Variants in ARHGEF11 observed in about 807,000 individuals in gnomAD.
ARHGEF11 encodes the protein Rho guanine nucleotide exchange factor 11.
In ARHGEF11, 55 loss-of-function variants were observed where a neutral mutation model predicts 193.7. That is an observed-to-expected ratio of 0.28 (90% CI 0.23 to 0.36). The LOEUF is 0.36. ARHGEF11 is among the 10% of genes least tolerant of loss of function. The probability of loss-of-function intolerance (pLI) is 1.00; values close to 1 mark genes in which losing one functional copy is unlikely to be tolerated. For missense variants in ARHGEF11, 1,723 were observed against 2,005.6 expected, an observed-to-expected ratio of 0.86 and a Z score of 2.69; for synonymous variants, 693 against 768.0, an observed-to-expected ratio of 0.90 and a Z score of 1.62.
chr1:157,010,393 G>C (rs1395196510), intron 1 of ARHGEF11, among the ~76,000 whole-genome samples: 1 of 152,030 alleles, frequency 6.6e-6, no homozygotes, highest in African/African-American at 2.4e-5. Flanking sequence ...CTAAGCTGCA[G>C]GATATAAGAT....
intron 1 of ARHGEF11, among the ~76,000 whole-genome samples, chr1:157,028,414 G>A (rs1052051726): frequency 1.3e-5 from 2 of 152,122 alleles, no homozygotes; most frequent in African/African-American, 2.4e-5. Context: ...ATGTTCCAAA[G>A]GGAAAAACAG....
chr1:156,989,168 C>A (rs932935003), intron 1 of ARHGEF11, among the ~76,000 whole-genome samples: 3 of 151,962 alleles, frequency 2.0e-5, no homozygotes, highest in Non-Finnish European at 4.4e-5. Flanking sequence ...GAATTTCCCC[C>A]CAAATTTGTA....
chr1:157,015,398 T>C (rs1669088014), intron 1 of ARHGEF11, among the ~76,000 whole-genome samples: 1 of 152,328 alleles, frequency 6.6e-6, no homozygotes, highest in East Asian at 1.9e-4. Flanking sequence ...ATGTGCAAAG[T>C]TCTTAGAACA....
intron 37 of ARHGEF11, 110 bp downstream of exon 37, chr1:156,939,438 T>G: frequency 6.7e-7 from 1 of 1,503,654 alleles, no homozygotes; most frequent in South Asian, 1.2e-5. Context: ...CGTAGGTCTC[T>G]GCTCACACGG....
chr1:156,996,859 A>ATTT (rs60592654), intron 1 of ARHGEF11, among the ~76,000 whole-genome samples: 16,105 of 93,612 alleles, frequency 0.17, 1,745 homozygotes, highest in East Asian at 0.35. Context: ...CTCTCTCTCT[A>ATTT]TTTTTTTTTT....
chr1:157,027,989 C>T (rs1670852482), intron 1 of ARHGEF11, among the ~76,000 whole-genome samples: 1 of 152,182 alleles, frequency 6.6e-6, no homozygotes, highest in Non-Finnish European at 1.5e-5. Context: ...TTGAGCCCTT[C>T]CAACAAAGGT....
At chr1:156,958,284 T>A (rs558193684) in intron 17 of ARHGEF11, among the ~76,000 whole-genome samples, 20 of 152,312 alleles carry the variant, frequency 1.3e-4, no homozygotes, top group African/African-American at 4.8e-4. Context: ...CAGAAGCACC[T>A]TAGTATATTG....
rs1654956264 is a variant in ARHGEF11 at position 156,935,920 on chromosome 1, T to A, written c.*80A>T. The A allele has an allele frequency of 1.4e-6, 2 of 1,458,972 alleles. No individual in the cohort carries two copies. Among genetic ancestry groups the A allele is most frequent in the Non-Finnish European group, 1.9e-6 (2 of 1,075,702 alleles). The allele number at this position is 1,458,972 out of a possible 1,614,324, so 90.4% of individuals were successfully genotyped here. A position where few individuals can be genotyped will look rare whatever the true frequency, so the allele number is the denominator to read the frequency against. On this transcript the variant is annotated 3_prime_UTR_variant, in exon 41 of 41. Transcript: ENST00000368194. ...TCCTCCACAGGGAGGAGTGTTGGGA[T>A]CCCCCCTACCCTGTGCCCCGGTCTC...
intron 2 of ARHGEF11, chr1:156,985,817 C>A: frequency 3.4e-6 from 1 of 293,726 alleles, no homozygotes; most frequent in Non-Finnish European, 6.4e-6. Flanking sequence ...TGTGATCCCA[C>A]TACTGATAAG....
chr1:156,949,020 T>G (rs904942040), intron 22 of ARHGEF11: 1 of 985,300 alleles, frequency 1.0e-6, no homozygotes, highest in Non-Finnish European at 1.2e-6. Context: ...TATTCACAGC[T>G]CATTTTAGGA....
At chr1:156,947,234 G>A (rs934769292) in intron 26 of ARHGEF11, 70 bp downstream of exon 26, 2 of 1,551,662 alleles carry the variant, frequency 1.3e-6, no homozygotes, top group Admixed American at 3.9e-5. Context: ...GGTCCTGGCA[G>A]TGGGGCCAAA....
intron 40 of ARHGEF11, among the ~76,000 whole-genome samples, 197 bp downstream of exon 40, chr1:156,936,619 G>A (rs1411112015): frequency 6.6e-6 from 1 of 150,378 alleles, no homozygotes; most frequent in Non-Finnish European, 1.5e-5. Flanking sequence ...TCAGTGCTAA[G>A]CTCCCCATTT....
chr1:157,024,204 G>A (rs1407328377), intron 1 of ARHGEF11, among the ~76,000 whole-genome samples: 3 of 152,114 alleles, frequency 2.0e-5, no homozygotes, highest in South Asian at 2.1e-4. Flanking sequence ...GTATAATTCC[G>A]TTTATATGAA....
At chr1:156,959,024 G>A (rs1384018785) in intron 16 of ARHGEF11, 22 bp downstream of exon 16, 5 of 1,612,994 alleles carry the variant, frequency 3.1e-6, no homozygotes, top group Non-Finnish European at 3.4e-6. Flanking sequence ...GAGAGAGGTG[G>A]GAGGTCAGCT....
At chr1:157,019,490 A>G (rs1168719255) in intron 1 of ARHGEF11, among the ~76,000 whole-genome samples, 4 of 152,226 alleles carry the variant, frequency 2.6e-5, no homozygotes, top group African/African-American at 9.6e-5. Context: ...ATTTCTTATG[A>G]CATTAAACAC....
intron 1 of ARHGEF11, among the ~76,000 whole-genome samples, chr1:156,998,434 C>G (rs1330734611): frequency 1.3e-5 from 2 of 152,224 alleles, no homozygotes; most frequent in Non-Finnish European, 2.9e-5. Context: ...GGAGTTAGAA[C>G]AGGCCTGGCT....
intron 1 of ARHGEF11, among the ~76,000 whole-genome samples, chr1:157,036,997 A>T (rs822568): frequency 8.6e-4 from 131 of 151,868 alleles, no homozygotes; most frequent in African/African-American, 2.9e-3. Context: ...GCATGGGATC[A>T]GGCACCTGTA....
At chr1:156,983,484 A>G (rs1002407579) in intron 3 of ARHGEF11, among the ~76,000 whole-genome samples, 1 of 152,192 alleles carries the variant, frequency 6.6e-6, no homozygotes, top group African/African-American at 2.4e-5. Flanking sequence ...GGCCTCCCAT[A>G]GTGCTGAGAT....
At chr1:157,015,722 A>AT (rs1379362495) in intron 1 of ARHGEF11, among the ~76,000 whole-genome samples, 2 of 152,238 alleles carry the variant, frequency 1.3e-5, no homozygotes, top group Non-Finnish European at 2.9e-5. Context: ...GCATGTGTGG[A>AT]TTAGTGCCTC....
Sources: allele counts gnomAD v4.1 joint callset (sites outside exome capture counted in the v4.1 genomes callset), GRCh38; gene constraint gnomAD v4.1.1; transcripts MANE v1.5; gene names NCBI Gene and HGNC (gene_info 2026-07-23, HGNC 2026-07-21).